INSIG1: variants seen among roughly 807,000 people sequenced by gnomAD.
INSIG1 encodes the protein insulin induced gene 1.
A neutral mutation model predicts 26.5 loss-of-function variants in INSIG1; 14 were observed. The observed-to-expected ratio is 0.53, with a 90% CI of 0.35 to 0.83. The LOEUF is 0.83. Ranked by LOEUF, INSIG1 falls within the 40% of genes least tolerant of loss-of-function variation. The pLI is 0.01. For synonymous variants in INSIG1, 147 were observed against 153.3 expected (o/e 0.96, Z 0.30); for missense variants, 272 against 368.9 (o/e 0.74, Z 2.15).
intron 5 of INSIG1, among the ~76,000 whole-genome samples, chr7:155,306,275 C>T (rs534812005): frequency 6.6e-6 from 1 of 152,358 alleles, no homozygotes; most frequent in African/African-American, 2.4e-5. Context: ...GCTGGGATTA[C>T]AGGCATGAGC....
chr7:155,298,941 G>GGTGATGGAGATGAGGCAGGGAT (rs1797710613), intron 2 of INSIG1, among the ~76,000 whole-genome samples: 2 of 152,220 alleles, frequency 1.3e-5, no homozygotes, highest in Admixed American at 1.3e-4. Flanking sequence ...GAGGCAGGGA[G>GGTGATGGAGATGAGGCAGGGAT]ATAATTGGCT....
chr7:155,309,383 CCATT>C lies in INSIG1; in HGVS notation c.*1118_*1121del, dbSNP rs929133616. 6.6e-6 allele frequency: 1 copy of C among 152,556 alleles called. No individual in the cohort carries two copies. The highest frequency in any genetic ancestry group is 2.4e-5 in the African/African-American group (1 of 41,410). 9.5% of individuals were successfully genotyped at this position (152,556 alleles called of 1,614,324 possible). On this transcript the variant is annotated 3_prime_UTR_variant, in exon 6 of 6. Transcript: ENST00000340368. ...TGTGAGATGTTCGAGAGAAGGTTCT[CCATT>C]CATTTCAGTGCTGCCTGGAGGAAAC...
At position 155,301,590 on chromosome 7, in the gene INSIG1, G is replaced by T; in HGVS notation, c.437G>T (p.Cys146Phe). Residue 146 changes from cysteine (C) to phenylalanine (F), a missense_variant, in exon 3 of 6, where the codon TGT becomes TTT. By Grantham distance (205) the Cys-to-Phe change is radical. Around this residue, in one of 2 missense-constraint regions of INSIG1, gnomAD observed 111 missense variants for 189.8 expected, o/e 0.58. Coordinates refer to ENST00000340368, the MANE Select transcript of INSIG1 (RefSeq NM_005542.6). ...GCTGTTGTTGGCCTACTGTACCCCT[G>T]TATCGACAGTCACCTCGGAGAACCC... is the stretch of plus-strand genomic sequence containing the variant. ...AAAVVGLLYP[C>F]IDSHLGEPHK... The T allele has an allele frequency of 6.2e-7, 1 of 1,610,036 alleles. No individual in the cohort carries two copies. The highest frequency in any genetic ancestry group is 8.5e-7 in the Non-Finnish European group (1 of 1,177,088).
chr7:155,301,783 CATA>C, intron 3 of INSIG1, 93 bp downstream of exon 3: 1 of 1,216,720 alleles, frequency 8.2e-7, no homozygotes, highest in East Asian at 2.6e-5. Context: ...GACTCCATGT[CATA>C]ATACAGACAT....
intron 5 of INSIG1, among the ~76,000 whole-genome samples, chr7:155,306,758 C>T (rs1425208200): frequency 2.6e-5 from 4 of 152,198 alleles, no homozygotes; most frequent in South Asian, 2.1e-4. Context: ...CAGAGGTCGA[C>T]GTGGCACCGT....
intron 5 of INSIG1, among the ~76,000 whole-genome samples, chr7:155,307,367 C>T (rs923816504): frequency 6.6e-6 from 1 of 152,162 alleles, no homozygotes; most frequent in Non-Finnish European, 1.5e-5. Context: ...CAGCTCCTTC[C>T]TCTTAAAGTG....
At position 155,309,981 on chromosome 7, in the gene INSIG1, C is replaced by T. The variant is rs775855362; in HGVS notation, c.*1711C>T. 32 of 152,550 alleles carry T rather than the reference C, an allele frequency of 2.1e-4. No homozygotes were observed. Among genetic ancestry groups the T allele is most frequent in the Non-Finnish European group, 4.1e-4 (28 of 68,014 alleles). 9.4% of individuals were successfully genotyped at this position (152,550 alleles called of 1,614,324 possible). A position where few individuals can be genotyped will look rare whatever the true frequency, so the allele number is the denominator to read the frequency against. On this transcript the variant is annotated 3_prime_UTR_variant, in exon 6 of 6. Coordinates refer to ENST00000340368, the MANE Select transcript of INSIG1 (RefSeq NM_005542.6). The stretch of plus-strand genomic sequence containing the variant: ...CGCACACACAATAAGTCTTTCTCTC[C>T]GAAACCGGAAGTAAATCTATATCTG...
At chr7:155,306,931 C>T (rs575935748) in intron 5 of INSIG1, among the ~76,000 whole-genome samples, 11 of 152,330 alleles carry the variant, frequency 7.2e-5, no homozygotes, top group Admixed American at 6.5e-5. Flanking sequence ...GTGTCAGGTC[C>T]GCCCGGGCTG....
chr7:155,308,112 A>C, intron 5 of INSIG1, 129 bp from the exon 6 acceptor site: 1 of 589,102 alleles, frequency 1.7e-6, no homozygotes. Context: ...CCCACCTCTC[A>C]ATCTTGTTGC....
chr7:155,299,164 G>A (rs1797718251), intron 2 of INSIG1, among the ~76,000 whole-genome samples: 1 of 152,208 alleles, frequency 6.6e-6, no homozygotes, highest in Non-Finnish European at 1.5e-5. Context: ...GGAGGCGGTT[G>A]CCAGGGGAGC....
Position 155,309,491 on chromosome 7 carries a change from AG to A in INSIG1, c.*1222del, listed in dbSNP as rs1412481844. ...GAACCCTCAACCTTCGAAATACTCC[AG>A]TTTTGTGGGTTTGGTCATTTTTACT... is the stretch of plus-strand genomic sequence containing the variant. On this transcript the variant is annotated 3_prime_UTR_variant, in exon 6 of 6. Transcript: ENST00000340368. 6.6e-6 allele frequency: 1 copy of A among 152,586 alleles called. No homozygotes were observed. Among genetic ancestry groups the A allele is most frequent in the Non-Finnish European group, 1.5e-5 (1 of 68,034 alleles). 9.5% of individuals were successfully genotyped at this position (152,586 alleles called of 1,614,324 possible).
rs1797830845 is a variant in INSIG1, at chr7:155,302,962, A to T, written c.804+116A>T. On this transcript the variant is annotated intron_variant, in intron 5 of 5. Coordinates refer to ENST00000340368, the MANE Select transcript of INSIG1 (RefSeq NM_005542.6). This position sits in a 1 kb window ranked among gnomAD's most constrained non-coding sequence, Gnocchi z 4.3. ...ATATTCTGGTTCAGACTTGAGTGACAACTACTGAGAAAAGCTTATATTTAA... is the reference window on the plus strand; with the variant it reads ...ATATTCTGGTTCAGACTTGAGTGACTACTACTGAGAAAAGCTTATATTTAA... The T allele has an allele frequency of 3.9e-5, 25 of 636,938 alleles. No homozygotes were observed. In the East Asian group the frequency reaches 6.4e-4, roughly 16 times the overall value. 39.5% of individuals were successfully genotyped at this position (636,938 alleles called of 1,614,324 possible).
chr7:155,308,214 C>CT, intron 5 of INSIG1, 27 bp from the exon 6 acceptor site: 1 of 1,222,326 alleles, frequency 8.2e-7, no homozygotes, highest in Non-Finnish European at 1.2e-6. Context: ...TTTTCTCTTT[C>CT]CTTTTTTTTT....
At chr7:155,303,723 A>C in intron 5 of INSIG1, 1 of 460,792 alleles carries the variant, frequency 2.2e-6, no homozygotes, top group South Asian at 2.5e-5. Flanking sequence ...AAATTAAAAA[A>C]AACAACAAAA....
chr7:155,308,420 C>A lies in INSIG1; in HGVS notation c.*150C>A. ...TCCTGGAAAAAACTCTTCACCTAGT[C>A]TAGAATAGGGAGGTGGAGAATGATG... On this transcript the variant is annotated 3_prime_UTR_variant, in exon 6 of 6. Coordinates refer to ENST00000340368, the MANE Select transcript of INSIG1 (RefSeq NM_005542.6). 1 of 901,388 alleles carries A rather than the reference C, an allele frequency of 1.1e-6. No homozygotes were observed. 55.8% of individuals were successfully genotyped at this position (901,388 alleles called of 1,614,324 possible). A position where few individuals can be genotyped will look rare whatever the true frequency, so the allele number is the denominator to read the frequency against.
At position 155,308,390 on chromosome 7, in the gene INSIG1, A is replaced by G; in HGVS notation, c.*120A>G. On this transcript the variant is annotated 3_prime_UTR_variant, in exon 6 of 6. Transcript: ENST00000340368. The stretch of plus-strand genomic sequence containing the variant: ...TATTTAGATCGGGCTGACTGTACAA[A>G]TGACTCCTGGAAAAAACTCTTCACC... 1 of 1,205,140 alleles carries G rather than the reference A, an allele frequency of 8.3e-7. No homozygotes were observed. The highest frequency in any genetic ancestry group is 1.2e-5 in the South Asian group (1 of 82,258). 74.7% of individuals were successfully genotyped at this position (1,205,140 alleles called of 1,614,324 possible).
chr7:155,302,491 T>C lies in INSIG1; in HGVS notation c.704+74T>C. 7.5e-7 allele frequency: 1 copy of C among 1,329,896 alleles called. No homozygotes were observed. The allele number at this position is 1,329,896 out of a possible 1,614,324, so 82.4% of individuals were successfully genotyped here. On this transcript the variant is annotated intron_variant, in intron 4 of 5. Transcript: ENST00000340368. The surrounding 1 kb of genome is among the most constrained non-coding windows in gnomAD (Gnocchi z 4.3). ...CATTAAAACATCCACTAAGCTTAGA[T>C]ATTTTCATATTTTATTTGTTTTTTA...
Position 155,309,457 on chromosome 7 carries a change from C to T in INSIG1, c.*1187C>T, listed in dbSNP as rs1228319142. 6.6e-6 allele frequency: 1 copy of T among 152,620 alleles called. No homozygotes were observed. Among genetic ancestry groups the T allele is most frequent in the Non-Finnish European group, 1.5e-5 (1 of 68,042 alleles). The allele number at this position is 152,620 out of a possible 1,614,324, so 9.5% of individuals were successfully genotyped here. On this transcript the variant is annotated 3_prime_UTR_variant, in exon 6 of 6. Coordinates refer to ENST00000340368, the MANE Select transcript of INSIG1 (RefSeq NM_005542.6). Reference sequence around the variant, plus strand: ...GTTGTGAAGTTCCTTTCGTGTTACACCCTCCACTGAACCCTCAACCTTCGA... The same window carrying T: ...GTTGTGAAGTTCCTTTCGTGTTACATCCTCCACTGAACCCTCAACCTTCGA...
In INSIG1 at chr7:155,302,571, C is replaced by T. The variant is rs901842084; in HGVS notation, c.704+154C>T. On this transcript the variant is annotated intron_variant, in intron 4 of 5. Transcript: ENST00000340368. This position sits in a 1 kb window ranked among gnomAD's most constrained non-coding sequence, Gnocchi z 4.3. ...TTCTCAAAAATGCTGCTATCCATAA[C>T]TTAATGTAACGCAAAGGAAAACCAA... The T allele has an allele frequency of 5.1e-6, 5 of 985,098 alleles. No individual in the cohort carries two copies. The African/African-American group carries it at 8.2e-5, about 16-fold the overall frequency. The allele number at this position is 985,098 out of a possible 1,614,324, so 61.0% of individuals were successfully genotyped here.
Sources: allele counts gnomAD v4.1 joint callset (sites outside exome capture counted in the v4.1 genomes callset), GRCh38; gene constraint gnomAD v4.1.1; regional missense constraint gnomAD v4.1.1; non-coding constraint Gnocchi (gnomAD v3.1); transcripts MANE v1.5; gene names NCBI Gene and HGNC (gene_info 2026-07-23, HGNC 2026-07-21).